RARS2: variants seen among roughly 807,000 people sequenced by gnomAD.
RARS2 encodes the protein probable arginine--tRNA ligase, mitochondrial.
RARS2 carries 67 observed loss-of-function variants against 88.5 expected under a neutral mutation model. The ratio of observed to expected loss-of-function variants is 0.76; its 90% CI spans 0.62 to 0.93. The LOEUF (loss-of-function observed/expected upper bound fraction) is 0.93. Ranked by LOEUF, RARS2 falls within the 40% of genes least tolerant of loss-of-function variation. The pLI, the probability that RARS2 is intolerant of heterozygous loss-of-function variation, is 0.00. For missense variants in RARS2, 664 were observed against 684.2 expected, an observed-to-expected ratio of 0.97 and a Z score of 0.33; for synonymous variants, 239 against 230.3, an observed-to-expected ratio of 1.04 and a Z score of -0.34.
rs750212259 is a variant in RARS2, at chr6:87,524,579, C to T, written c.952G>A (p.Gly318Arg). Reference sequence around the variant, plus strand: ...AACCTGGTTGCATAGAGAGAAGTCCCATCACTTCGCATTACAGTACAAATT... The same window carrying T: ...AACCTGGTTGCATAGAGAGAAGTCCTATCACTTCGCATTACAGTACAAATT... ...SSICTVMRSD[G>R]TSLYATRDLA... Residue 318 changes from glycine to arginine, a missense_variant, in exon 11 of 20, where the codon GGG becomes AGG. By Grantham distance (125) the Gly-to-Arg change is moderately radical (BLOSUM62 -2). Transcript: ENST00000369536. 11 of 1,612,232 alleles carry T rather than the reference C, an allele frequency of 6.8e-6. No individual in the cohort carries two copies. In the South Asian group the frequency reaches 9.9e-5, roughly 14 times the overall value.
intron 1 of RARS2, among the ~76,000 whole-genome samples, chr6:87,582,863 T>C (rs983735364): frequency 6.6e-6 from 1 of 152,310 alleles, no homozygotes; most frequent in Non-Finnish European, 1.5e-5. Flanking sequence ...ATTAGCAGGG[T>C]AGCTCCTCTA....
intron 8 of RARS2, among the ~76,000 whole-genome samples, chr6:87,536,815 C>G (rs1779319950): frequency 6.6e-6 from 1 of 151,944 alleles, no homozygotes; most frequent in African/African-American, 2.4e-5. Context: ...GGAACTATAA[C>G]AAAACTACTT....
intron 8 of RARS2, among the ~76,000 whole-genome samples, chr6:87,538,110 G>C (rs1779764260): frequency 6.6e-6 from 1 of 152,144 alleles, no homozygotes; most frequent in Non-Finnish European, 1.5e-5. Context: ...AATGAAAACA[G>C]AGTCTATAAA....
chr6:87,515,958 G>GAAAAAAAAAAAAAAAAAAA (rs10605334), intron 18 of RARS2: 2 of 131,582 alleles, frequency 1.5e-5, no homozygotes, highest in Non-Finnish European at 3.3e-5. Context: ...TCAAAAAAAA[G>GAAAAAAAAAAAAAAAAAAA]AAAAAAAAAA....
At chr6:87,583,250 T>A (rs916177386) in intron 1 of RARS2, among the ~76,000 whole-genome samples, 2 of 152,198 alleles carry the variant, frequency 1.3e-5, no homozygotes, top group African/African-American at 4.8e-5. Context: ...TCACAACTTT[T>A]TATAAGTCTG....
In RARS2 at chr6:87,569,509, T is replaced by C. The variant is rs1582773933; in HGVS notation, c.110+8A>G. The stretch of plus-strand genomic sequence containing the variant: ...TTTATAGATTGTTACAAGTGTATTA[T>C]ACTTAACTCTTTTTGGGAAATTGGA... On this transcript the variant is annotated splice_region_variant and intron_variant, in intron 2 of 19. Transcript: ENST00000369536. 1.0e-5 allele frequency: 16 copies of C among 1,572,124 alleles called. No homozygotes were observed. The highest frequency in any genetic ancestry group is 1.1e-5 in the South Asian group (1 of 90,236).
chr6:87,574,184 A>G (rs1770687979), intron 1 of RARS2, among the ~76,000 whole-genome samples: 1 of 152,218 alleles, frequency 6.6e-6, no homozygotes, highest in African/African-American at 2.4e-5. Context: ...TGAAAACACA[A>G]TACATTCTCC....
At chr6:87,559,489 A>G (rs1037273334) in intron 4 of RARS2, among the ~76,000 whole-genome samples, 66 of 138,820 alleles carry the variant, frequency 4.8e-4, no homozygotes, top group African/African-American at 1.3e-3. Flanking sequence ...AAAAAAAAAA[A>G]AGAGACAGGG....
At chr6:87,525,556 T>G (rs1400032701) in intron 10 of RARS2, among the ~76,000 whole-genome samples, 1 of 151,650 alleles carries the variant, frequency 6.6e-6, no homozygotes, top group Non-Finnish European at 1.5e-5. Context: ...TTTCTTTTTT[T>G]TTTTTTTGAG....
At chr6:87,589,083 T>C (rs1165949123) in intron 1 of RARS2, among the ~76,000 whole-genome samples, 1 of 152,238 alleles carries the variant, frequency 6.6e-6, no homozygotes, top group African/African-American at 2.4e-5. Flanking sequence ...AGATAAATTA[T>C]ACACCAGGCT....
intron 5 of RARS2, among the ~76,000 whole-genome samples, chr6:87,554,964 T>C (rs1031411001): frequency 2.0e-5 from 3 of 151,634 alleles, no homozygotes; most frequent in Non-Finnish European, 4.4e-5. Flanking sequence ...ATTAGCCAGG[T>C]ATGGTGGCGG....
Position 87,555,411 on chromosome 6 carries a change from A to C in RARS2, c.392T>G (p.Phe131Cys). The C allele has an allele frequency of 3.1e-6, 5 of 1,613,222 alleles. No homozygotes were observed. The highest frequency in any genetic ancestry group is 4.2e-6 in the Non-Finnish European group (5 of 1,179,246). Residue 131 changes from phenylalanine (F) to cysteine (C), a missense_variant, in exon 5 of 20, where the codon TTC becomes TGC. Physicochemically the swap from Phe to Cys is radical, Grantham distance 205 (BLOSUM62 -2). Coordinates refer to ENST00000369536, the MANE Select transcript of RARS2 (RefSeq NM_020320.5). ...GLPQKKIVVEFSSPNVAKKFH... is the reference protein window; with the variant it reads ...GLPQKKIVVECSSPNVAKKFH... ...CATAAAAGGGGTGCACCCTCACCTG[A>C]ATTCAACCACAATCTTCTTCTGGGG... is the stretch of plus-strand genomic sequence containing the variant.
intron 7 of RARS2, 21 bp from the exon 8 acceptor site, chr6:87,542,015 T>C: frequency 6.3e-7 from 1 of 1,588,160 alleles, no homozygotes; most frequent in Non-Finnish European, 8.6e-7. Flanking sequence ...AATCCGTAAA[T>C]GAAAAATTAT....
chr6:87,585,802 A>G (rs942625409), intron 1 of RARS2, among the ~76,000 whole-genome samples: 2 of 152,214 alleles, frequency 1.3e-5, no homozygotes, highest in Admixed American at 1.3e-4. Context: ...CTTAAAAAAT[A>G]CGTATAAAAC....
In RARS2 at chr6:87,518,643, CGT is replaced by C; in HGVS notation, c.1400_1401del (p.His467ArgfsTer17). The stretch of plus-strand genomic sequence containing the variant: ...GCCTCTTCTCACCTGTGGAGGCGGG[CGT>C]GTGTGTACTGTAGGAAGACTCCTGT... ...GDTGVFLQYT[H>X]ARLHSLEETF... is the part of the protein sequence containing the mutation. On this transcript the variant is annotated frameshift_variant, in exon 16 of 20. Transcript: ENST00000369536. LOFTEE classifies it high-confidence loss of function. The C allele has an allele frequency of 6.2e-7, 1 of 1,612,624 alleles. No individual in the cohort carries two copies. Among genetic ancestry groups the C allele is most frequent in the Non-Finnish European group, 8.5e-7 (1 of 1,178,936 alleles).
At chr6:87,557,117 G>A (rs577128308) in intron 4 of RARS2, among the ~76,000 whole-genome samples, 2 of 152,272 alleles carry the variant, frequency 1.3e-5, no homozygotes, top group African/African-American at 4.8e-5. Context: ...CCAAGACCAA[G>A]TGCTCCTACA....
At chr6:87,526,060 C>G (rs1432917923) in intron 10 of RARS2, among the ~76,000 whole-genome samples, 3 of 152,008 alleles carry the variant, frequency 2.0e-5, no homozygotes, top group African/African-American at 7.2e-5. Flanking sequence ...TTGGAAAAAT[C>G]AATATTTAAA....
intron 5 of RARS2, among the ~76,000 whole-genome samples, chr6:87,551,503 G>A (rs1784322664): frequency 6.6e-6 from 1 of 151,450 alleles, no homozygotes; most frequent in East Asian, 1.9e-4. Context: ...GTGCATGCCT[G>A]TAGTCCAGCT....
chr6:87,545,467 T>C, intron 7 of RARS2, 149 bp downstream of exon 7: 1 of 913,834 alleles, frequency 1.1e-6, no homozygotes, highest in Non-Finnish European at 1.6e-6. Flanking sequence ...GAAGATTTTA[T>C]GCAAAAGAGC....
Sources: gnomAD v4.1 joint callset for allele counts (sites outside exome capture counted in the v4.1 genomes callset) on GRCh38, gnomAD v4.1.1 for gene constraint, MANE v1.5 for transcripts, NCBI Gene and HGNC (gene_info 2026-07-23, HGNC 2026-07-21) for gene names.